Variants in TRPV6 observed in about 807,000 individuals in gnomAD.
TRPV6 encodes Alu-binding protein with zinc finger domain.
A neutral mutation model predicts 79.0 loss-of-function variants in TRPV6; 39 were observed. The observed-to-expected ratio is 0.49, with a 90% CI of 0.38 to 0.64. The LOEUF is 0.64. Ranked by LOEUF, TRPV6 falls within the 30% of genes least tolerant of loss-of-function variation. The pLI, the probability that TRPV6 is intolerant of heterozygous loss-of-function variation, is 0.00. For synonymous variants in TRPV6, 373 were observed against 391.9 expected, an observed-to-expected ratio of 0.95 and a Z score of 0.57; for missense variants, 813 against 1,011.1, an observed-to-expected ratio of 0.80 and a Z score of 2.66.
intron 1 of TRPV6, chr7:142,879,464 G>A (rs1230910404): frequency 6.6e-6 from 1 of 152,140 alleles, no homozygotes; most frequent in Non-Finnish European, 1.5e-5. Flanking sequence ...CTTTCTATGG[G>A]AGTAAATGAA....
At position 142,875,151 on chromosome 7, in the gene TRPV6, G is replaced by A; in HGVS notation, c.1256C>T (p.Thr419Ile). The change falls in exon 9 of 15, where the codon ACC becomes ATC. Residue 419 changes from threonine to isoleucine, a missense_variant. Thr to Ile is a moderately conservative substitution (Grantham distance 89). This residue lies in a region of TRPV6 where 555 missense variants were observed against 631.0 expected (regional missense o/e 0.88). Transcript: ENST00000359396. ...GACCAGCCGGATATCGTCCTTAGGG[G>A]TCATGTAGGCTTCCTAATGGGGGAG... The A allele has an allele frequency of 1.2e-6, 2 of 1,614,076 alleles. No individual in the cohort carries two copies. The highest frequency in any genetic ancestry group is 1.7e-6 in the Non-Finnish European group (2 of 1,180,016).
In TRPV6 at chr7:142,873,371, C is replaced by A. The variant is rs531745053; in HGVS notation, c.1908+77G>T. 15 of 1,572,442 alleles carry A rather than the reference C, an allele frequency of 9.5e-6. No homozygotes were observed. The African/African-American group carries it at 1.7e-4, about 18-fold the overall frequency. Reference sequence around the variant, plus strand: ...CAAACATAAGTGGGGTGGAGATATCCTGTCTCTCAGCTTGGCAGGTTCCTT... The same window carrying A: ...CAAACATAAGTGGGGTGGAGATATCATGTCTCTCAGCTTGGCAGGTTCCTT... On this transcript the variant is annotated intron_variant, in intron 13 of 14. Coordinates refer to ENST00000359396, the MANE Select transcript of TRPV6 (RefSeq NM_018646.6). This position sits in a 1 kb window ranked among gnomAD's most constrained non-coding sequence, Gnocchi z 4.8.
Position 142,872,419 on chromosome 7 carries a change from G to T in TRPV6, c.1968C>A (p.Ser656=), listed in dbSNP as rs748360543. The stretch of plus-strand genomic sequence containing the variant: ...GGCCATACTCCCGTCCGCAGATCCC[G>T]GAGCGAGGCCACAGGCAGCGAGGCA... The change falls in exon 14 of 15, where the codon TCC becomes TCA. Residue 656 remains serine (S), a synonymous_variant. Coordinates refer to ENST00000359396, the MANE Select transcript of TRPV6 (RefSeq NM_018646.6). 10 of 1,614,116 alleles carry T rather than the reference G, an allele frequency of 6.2e-6. No individual in the cohort carries two copies. Among genetic ancestry groups the T allele is most frequent in the Non-Finnish European group, 6.8e-6 (8 of 1,180,050 alleles).
chr7:142,884,887 T>C (rs1795270993), intron 1 of TRPV6: 1 of 152,516 alleles, frequency 6.6e-6, no homozygotes, highest in African/African-American at 2.4e-5. Flanking sequence ...TGGTCACTTT[T>C]TTCACATTTT....
chr7:142,878,085 G>T, intron 1 of TRPV6, 59 bp from the exon 2 acceptor site: 1 of 1,452,572 alleles, frequency 6.9e-7, no homozygotes, highest in Non-Finnish European at 9.7e-7. Context: ...TGTGGAGGGA[G>T]AGGCCCTGGC....
rs4987668 is a variant in TRPV6 at position 142,874,896 on chromosome 7, A to G, written c.1406+8T>C. ...GGAAGGGATGGGAGTGAGAGGAAGGAAACTCACATGAGGACATGGAATGGG... is the reference window on the plus strand; with the variant it reads ...GGAAGGGATGGGAGTGAGAGGAAGGGAACTCACATGAGGACATGGAATGGG... On this transcript the variant is annotated splice_region_variant and intron_variant, in intron 10 of 14. Transcript: ENST00000359396. 0.093 allele frequency: 150,629 copies of G among 1,613,646 alleles called. 14,861 individuals are homozygous for G. Among genetic ancestry groups the G allele is most frequent in the African/African-American group, 0.52 (39,103 of 74,836 alleles).
chr7:142,877,012 GC>G (rs878968263), intron 4 of TRPV6, 129 bp downstream of exon 4: 4 of 1,445,896 alleles, frequency 2.8e-6, no homozygotes, highest in East Asian at 5.0e-5. Flanking sequence ...GTCTAATTAA[GC>G]CCTAGAAGGA....
chr7:142,879,001 G>A (rs1383516360), intron 1 of TRPV6: 1 of 152,214 alleles, frequency 6.6e-6, no homozygotes, highest in Non-Finnish European at 1.5e-5. Flanking sequence ...TTTCCAAACA[G>A]CTCACATTAA....
At position 142,875,793 on chromosome 7, in the gene TRPV6, G is replaced by A; in HGVS notation, c.994C>T (p.Leu332=). 1 of 1,610,752 alleles carries A rather than the reference G, an allele frequency of 6.2e-7. No homozygotes were observed. Among genetic ancestry groups the A allele is most frequent in the Non-Finnish European group, 8.5e-7 (1 of 1,178,158 alleles). The change falls in exon 7 of 15, where the codon CTG becomes TTG. Residue 332 remains leucine, a synonymous_variant. Coordinates refer to ENST00000359396, the MANE Select transcript of TRPV6 (RefSeq NM_018646.6). ...TTGGTGGTGATGATAAGTTCCAGCA[G>A]GGACTGCTCATCCCCTGAGGAGTCG...
At position 142,873,826 on chromosome 7, in the gene TRPV6, C is replaced by G; in HGVS notation, c.1640-110G>C. ...GGTCCCTTCATCTCAATATCACCAG[C>G]TCTGCAGTGCTCCAAACTTTGGGTT... On this transcript the variant is annotated intron_variant, in intron 12 of 14. Coordinates refer to ENST00000359396, the MANE Select transcript of TRPV6 (RefSeq NM_018646.6). This position sits in a 1 kb window ranked among gnomAD's most constrained non-coding sequence, Gnocchi z 4.8. 2 of 1,455,642 alleles carry G rather than the reference C, an allele frequency of 1.4e-6. No individual in the cohort carries two copies. Among genetic ancestry groups the G allele is most frequent in the Non-Finnish European group, 1.9e-6 (2 of 1,061,226 alleles). 90.2% of individuals were successfully genotyped at this position (1,455,642 alleles called of 1,614,324 possible).
intron 8 of TRPV6, 121 bp downstream of exon 8, chr7:142,875,347 G>T: frequency 7.8e-7 from 1 of 1,283,568 alleles, no homozygotes; most frequent in Non-Finnish European, 1.1e-6. Context: ...TTTGGAGTTT[G>T]TACCCATATA....
intron 1 of TRPV6, chr7:142,881,083 T>A (rs1169737862): frequency 6.6e-6 from 1 of 152,118 alleles, no homozygotes; most frequent in Non-Finnish European, 1.5e-5. Context: ...AATAACCTCA[T>A]ATGCCCACAA....
intron 6 of TRPV6, 173 bp downstream of exon 6, chr7:142,876,235 A>G: frequency 1.0e-6 from 1 of 982,824 alleles, no homozygotes; most frequent in Non-Finnish European, 1.5e-6. Context: ...TCAGGGGAAA[A>G]GGAGTGGGCA....
rs374556937 is a variant in TRPV6, at chr7:142,871,925, G to A, written c.2080C>T (p.Arg694Trp). The stretch of plus-strand genomic sequence containing the variant: ...TCTTTGTCCAAATCCTCAGAGCCCC[G>A]GGTGTGGAAGGCCTGTGCGTAGCGT... The change falls in exon 15 of 15, where the codon CGG (arginine) becomes TGG (tryptophan). Residue 694 changes from arginine to tryptophan, a missense_variant. Arg to Trp is a moderately radical substitution (Grantham distance 101). This residue lies in a region of TRPV6 where 164 missense variants were observed against 186.1 expected (regional missense o/e 0.88). Transcript: ENST00000359396. 158 of 1,613,840 alleles carry A rather than the reference G, an allele frequency of 9.8e-5. No individual in the cohort carries two copies. The highest frequency in any genetic ancestry group is 1.3e-4 in the Non-Finnish European group (152 of 1,179,910).
In TRPV6 at chr7:142,871,697, G is replaced by C; in HGVS notation, c.*10C>G. On this transcript the variant is annotated 3_prime_UTR_variant, in exon 15 of 15. Transcript: ENST00000359396. ...GAGCAAGTTCCAGGAAGCGAAGTGA[G>C]AACACGCAGTCAGATCTGATATTCC... The C allele has an allele frequency of 1.3e-6, 2 of 1,569,050 alleles. No individual in the cohort carries two copies. Among genetic ancestry groups the C allele is most frequent in the Non-Finnish European group, 1.7e-6 (2 of 1,154,912 alleles).
chr7:142,876,360 G>A (rs1795068040), intron 6 of TRPV6, 48 bp downstream of exon 6: 1 of 1,587,726 alleles, frequency 6.3e-7, no homozygotes, highest in African/African-American at 1.3e-5. Context: ...AGCGGGATAG[G>A]TTGAGGGTCA....
chr7:142,879,007 A>G (rs991677228), intron 1 of TRPV6: 2 of 152,232 alleles, frequency 1.3e-5, no homozygotes, highest in Admixed American at 6.5e-5. Flanking sequence ...AACAGCTCAC[A>G]TTAAAGTTTG....
At position 142,877,256 on chromosome 7, in the gene TRPV6, C is replaced by A; in HGVS notation, c.493G>T (p.Val165Phe). Residue 165 changes from valine (V) to phenylalanine (F), a missense_variant, in exon 4 of 15, where the codon GTT becomes TTT. Around this residue, in one of 3 missense-constraint regions of TRPV6, gnomAD observed 555 missense variants for 631.0 expected, o/e 0.88. Coordinates refer to ENST00000359396, the MANE Select transcript of TRPV6 (RefSeq NM_018646.6). ...ACCAGGTTCATGTTCTGGTTCACAA[C>A]AGCGATGTGCAGTGCAGTCTGACCT... 1.2e-6 allele frequency: 2 copies of A among 1,614,232 alleles called. No individual in the cohort carries two copies. Among genetic ancestry groups the A allele is most frequent in the South Asian group, 2.2e-5 (2 of 91,088 alleles).
Position 142,875,683 on chromosome 7 carries a change from G to A in TRPV6, c.1030-3C>T, listed in dbSNP as rs768960202. On this transcript the variant is annotated splice_region_variant and splice_polypyrimidine_tract_variant and intron_variant, in intron 7 of 14. Coordinates refer to ENST00000359396, the MANE Select transcript of TRPV6 (RefSeq NM_018646.6). ...GTCTGGTCCAGGATCTGGCGAGCCT[G>A]CAACAGAAAGAGAACAGGTGGCTCA... 10 of 1,610,018 alleles carry A rather than the reference G, an allele frequency of 6.2e-6. 1 individual carries two copies. Among genetic ancestry groups the A allele is most frequent in the Middle Eastern group, 1.7e-4 (1 of 6,036 alleles).
Sources: gnomAD v4.1 joint callset for allele counts on GRCh38, gnomAD v4.1.1 for gene constraint, gnomAD v4.1.1 regional missense constraint, Gnocchi (gnomAD v3.1) non-coding constraint, MANE v1.5 for transcripts, NCBI Gene and HGNC (gene_info 2026-07-23, HGNC 2026-07-21) for gene names.